Variants in LRIG2 observed in about 807,000 individuals in gnomAD.
LRIG2 encodes the protein leucine-rich repeats and immunoglobulin-like domains protein 2.
Under a neutral mutation model 107.8 loss-of-function variants are expected in LRIG2, and 93 were observed. That is an observed-to-expected ratio of 0.86 (90% confidence interval 0.73 to 1.03). The LOEUF is 1.03. LRIG2 is among the 50% of genes least tolerant of loss of function. LRIG2 has a pLI of 0.00. For synonymous variants in LRIG2, 471 were observed against 470.6 expected (o/e 1.00, Z -0.01); for missense variants, 1,226 against 1,296.0 (o/e 0.95, Z 0.83).
chr1:113,116,406 G>GC lies in LRIG2; in HGVS notation c.2652dup (p.Asn885GlnfsTer9). 3.7e-6 allele frequency: 6 copies of GC among 1,612,002 alleles called. No homozygotes were observed. Among genetic ancestry groups the GC allele is most frequent in the Non-Finnish European group, 5.1e-6 (6 of 1,179,392 alleles). On this transcript the variant is annotated frameshift_variant, in exon 16 of 18. Transcript: ENST00000361127. LOFTEE classifies it high-confidence loss of function. ...CAGTCATCAGCAACTTATGCCTCCT[G>GC]CCAATGGATATATACACAAAGGCAC...
chr1:113,119,631 A>G lies in LRIG2; in HGVS notation c.2971+108A>G, dbSNP rs925278837. 10 of 919,600 alleles carry G rather than the reference A, an allele frequency of 1.1e-5. No homozygotes were observed. In the African/African-American group the frequency reaches 1.2e-4, roughly 11 times the overall value. The allele number at this position is 919,600 out of a possible 1,614,324, so 57.0% of individuals were successfully genotyped here. On this transcript the variant is annotated intron_variant, in intron 17 of 17. Coordinates refer to ENST00000361127, the MANE Select transcript of LRIG2 (RefSeq NM_014813.3). ...TTTGACAGGAAGCAAGCAGATGGGT[A>G]TATAGGAGTAACTGGCCATTGTTAA...
chr1:113,077,314 G>A (rs866768205), intron 1 of LRIG2, among the ~76,000 whole-genome samples: 1 of 151,898 alleles, frequency 6.6e-6, no homozygotes, highest in African/African-American at 2.4e-5. Flanking sequence ...GCTAATTTTT[G>A]TATTTTTAGT....
In LRIG2 at chr1:113,086,092, C is replaced by T. The variant is rs370606523; in HGVS notation, c.240-5226C>T. Among the ~76,000 whole-genome samples, 13 of 148,996 alleles carry T rather than the reference C, an allele frequency of 8.7e-5. No homozygotes were observed. The South Asian group carries it at 1.3e-3, about 15-fold the overall frequency. On this transcript the variant is annotated intron_variant, in intron 1 of 17. Transcript: ENST00000361127. ...CACCATCTTGGCTCATGGCAACTTC[C>T]GCCTCCTGTTCAAGCGATTCTCCTA...
At chr1:113,108,681 G>A (rs1447840400) in intron 12 of LRIG2, among the ~76,000 whole-genome samples, 11 of 151,582 alleles carry the variant, frequency 7.3e-5, no homozygotes, top group African/African-American at 2.7e-4. Flanking sequence ...GTTCGAGACC[G>A]GCCTGGCCAG....
intron 1 of LRIG2, among the ~76,000 whole-genome samples, chr1:113,080,333 T>G (rs1333290835): frequency 6.6e-6 from 1 of 151,812 alleles, no homozygotes; most frequent in Non-Finnish European, 1.5e-5. Flanking sequence ...AGGAGAAATT[T>G]TAAAACAAGT....
At chr1:113,087,104 C>T (rs1000383253) in intron 1 of LRIG2, among the ~76,000 whole-genome samples, 7 of 152,164 alleles carry the variant, frequency 4.6e-5, no homozygotes, top group African/African-American at 1.7e-4. Flanking sequence ...GATGTCACCA[C>T]TGCATTTCAG....
rs146441831 is a variant in LRIG2 at position 113,123,530 on chromosome 1, C to T, written c.2972-345C>T. On this transcript the variant is annotated intron_variant, in intron 17 of 17. Transcript: ENST00000361127. ...CGGAGGTTGCGGTGAGCCGAGATGA[C>T]GCCATTGCACTCCAGCCCGGGCAAC... Among the ~76,000 whole-genome samples, 1,079 of 152,242 alleles carry T rather than the reference C, an allele frequency of 7.1e-3. 15 individuals are homozygous for T. Among genetic ancestry groups the T allele is most frequent in the African/African-American group, 0.024 (998 of 41,552 alleles).
At chr1:113,109,721 G>T (rs568603632) in intron 12 of LRIG2, among the ~76,000 whole-genome samples, 116 of 152,198 alleles carry the variant, frequency 7.6e-4, no homozygotes, top group African/African-American at 2.7e-3. Flanking sequence ...GTTTCGCCGT[G>T]TTGGTCAGGC....
At chr1:113,073,706 C>T in intron 1 of LRIG2, 61 bp downstream of exon 1, 1 of 1,473,216 alleles carries the variant, frequency 6.8e-7, no homozygotes. Context: ...CTACAGGGGG[C>T]AGGCAGGAGG....
intron 6 of LRIG2, among the ~76,000 whole-genome samples, chr1:113,095,551 GGC>G: frequency 6.6e-6 from 1 of 152,094 alleles, no homozygotes; most frequent in Admixed American, 6.6e-5. Context: ...TGGGACTACA[GGC>G]GCGCGCCACC....
At chr1:113,113,398 G>A (rs905661427) in intron 14 of LRIG2, among the ~76,000 whole-genome samples, 2 of 150,650 alleles carry the variant, frequency 1.3e-5, no homozygotes, top group African/African-American at 2.4e-5. Context: ...ACTTTTCTTC[G>A]TGGAACTCAA....
chr1:113,096,786 A>C (rs999822720), intron 8 of LRIG2, among the ~76,000 whole-genome samples: 2 of 152,240 alleles, frequency 1.3e-5, no homozygotes, highest in East Asian at 3.8e-4. Context: ...CTGGTTTGCT[A>C]CATGACTTTG....
rs114295534 is a variant in LRIG2 at position 113,123,850 on chromosome 1, G to C, written c.2972-25G>C. 2,293 of 1,599,710 alleles carry C rather than the reference G, an allele frequency of 1.4e-3. 1 individual carries two copies. The highest frequency in any genetic ancestry group is 1.8e-3 in the Non-Finnish European group (2,157 of 1,167,994). ...ATATTAAGTTTTACCAGTCACTACT[G>C]ATAATTCTTGTCTTTCATTCTCAGA... is the stretch of plus-strand genomic sequence containing the variant. On this transcript the variant is annotated intron_variant, in intron 17 of 17. Transcript: ENST00000361127.
At chr1:113,078,177 A>G (rs1290440235) in intron 1 of LRIG2, among the ~76,000 whole-genome samples, 1 of 151,828 alleles carries the variant, frequency 6.6e-6, no homozygotes, top group African/African-American at 2.4e-5. Context: ...GCTATTGTGA[A>G]TAGTGCCACA....
Position 113,107,600 on chromosome 1 carries a change from G to T in LRIG2, c.1320G>T (p.Leu440=). The T allele has an allele frequency of 6.2e-7, 1 of 1,608,170 alleles. No individual in the cohort carries two copies. Among genetic ancestry groups the T allele is most frequent in the Non-Finnish European group, 8.5e-7 (1 of 1,178,708 alleles). Residue 440 remains leucine, a synonymous_variant, in exon 12 of 18, where the codon CTG becomes CTT. Transcript: ENST00000361127. ...FSQTHLKELI[L]NTSSLLCDCH... Reference sequence around the variant, plus strand: ...CCTCTTTTCTTTCCTGCAGGATTCTGAACACAAGCAGTTTGCTCTGTGACT... The same window carrying T: ...CCTCTTTTCTTTCCTGCAGGATTCTTAACACAAGCAGTTTGCTCTGTGACT...
intron 1 of LRIG2, among the ~76,000 whole-genome samples, chr1:113,080,285 C>T (rs915202037): frequency 6.6e-6 from 1 of 152,142 alleles, no homozygotes; most frequent in Non-Finnish European, 1.5e-5. Context: ...TTCCAAAGTG[C>T]TGGGATTACA....
intron 6 of LRIG2, among the ~76,000 whole-genome samples, chr1:113,095,534 G>A (rs959638804): frequency 1.3e-5 from 2 of 151,072 alleles, no homozygotes; most frequent in African/African-American, 4.9e-5. Flanking sequence ...TCAGCCTCCC[G>A]AGTAGCTGGG....
chr1:113,096,496 C>T, intron 8 of LRIG2, 131 bp downstream of exon 8: 1 of 941,434 alleles, frequency 1.1e-6, no homozygotes, highest in Non-Finnish European at 1.6e-6. Context: ...TGTCCTATGC[C>T]TCAGAGCAAG....
intron 17 of LRIG2, among the ~76,000 whole-genome samples, chr1:113,122,425 A>G (rs952181552): frequency 1.3e-5 from 2 of 152,206 alleles, no homozygotes; most frequent in African/African-American, 4.8e-5. Flanking sequence ...CTAAAGAGGT[A>G]CAGGTCAGAG....
Sources: allele counts gnomAD v4.1 joint callset (sites outside exome capture counted in the v4.1 genomes callset), GRCh38; gene constraint gnomAD v4.1.1; transcripts MANE v1.5; gene names NCBI Gene and HGNC (gene_info 2026-07-23, HGNC 2026-07-21).